DUOX2: variants seen among roughly 807,000 people sequenced by gnomAD.
DUOX2 encodes the protein NADH/NADPH thyroid oxidase p138-tox.
Under a neutral mutation model 183.3 loss-of-function variants are expected in DUOX2, and 185 were observed. The ratio of observed to expected loss-of-function variants is 1.01; its 90% CI spans 0.90 to 1.14. The LOEUF is 1.14. DUOX2 is among the 50% of genes most tolerant of loss of function. DUOX2 has a pLI of 0.00. For synonymous variants in DUOX2, 788 were observed against 812.4 expected (o/e 0.97, Z 0.51); for missense variants, 1,999 against 2,022.9 (o/e 0.99, Z 0.23).
In DUOX2 at chr15:45,101,914, C is replaced by T. The variant is rs1375148685; in HGVS notation, c.2730G>A (p.Glu910=). The T allele has an allele frequency of 6.2e-7, 1 of 1,614,238 alleles. No homozygotes were observed. Among genetic ancestry groups the T allele is most frequent in the Non-Finnish European group, 8.5e-7 (1 of 1,180,046 alleles). ...GCTCCTCCTTGTCCTGGAATCCCGA[C>T]TCCCGGAACATAGACTCCACCACCT... ...LAEVVESMFR[E]SGFQDKEELT... Residue 910 remains glutamate (E), a synonymous_variant, in exon 21 of 34, where the codon GAG becomes GAA. Coordinates refer to ENST00000389039, the MANE Select transcript of DUOX2 (RefSeq NM_001363711.2).
chr15:45,112,516 G>C, intron 4 of DUOX2, 38 bp downstream of exon 4: 1 of 1,605,552 alleles, frequency 6.2e-7, no homozygotes, highest in Non-Finnish European at 8.5e-7. Flanking sequence ...TGAGCAGAGC[G>C]CCAGATCAAC....
intron 20 of DUOX2, among the ~76,000 whole-genome samples, chr15:45,103,328 T>C (rs957558334): frequency 6.6e-6 from 1 of 152,242 alleles, no homozygotes; most frequent in Non-Finnish European, 1.5e-5. Context: ...GCCTGCCCTG[T>C]GCCAATCACA....
chr15:45,094,883 G>A (rs1047555582), intron 32 of DUOX2, 53 bp downstream of exon 32: 24 of 1,610,402 alleles, frequency 1.5e-5, no homozygotes, highest in African/African-American at 1.5e-4. Flanking sequence ...CCTGCCTTAC[G>A]CTGCCAATCC....
intron 4 of DUOX2, among the ~76,000 whole-genome samples, chr15:45,112,225 C>T (rs1894447331): frequency 6.6e-6 from 1 of 152,180 alleles, no homozygotes; most frequent in Non-Finnish European, 1.5e-5. Flanking sequence ...AGTCCTCCTC[C>T]CTCTGGGCTA....
intron 23 of DUOX2, 74 bp from the exon 24 acceptor site, chr15:45,100,302 G>T (rs1254925335): frequency 6.9e-7 from 1 of 1,452,882 alleles, no homozygotes; most frequent in Non-Finnish European, 9.4e-7. Flanking sequence ...TCCATGAAAG[G>T]TGACCTGGGG....
chr15:45,106,379 C>T (rs752422071), intron 16 of DUOX2, 52 bp from the exon 17 acceptor site: 15 of 1,607,248 alleles, frequency 9.3e-6, no homozygotes, highest in Admixed American at 6.7e-5. Context: ...CCCAGGTCCC[C>T]GCCTTCAGGT....
Position 45,110,495 on chromosome 15 carries a change from A to G in DUOX2, c.973T>C (p.Ser325Pro). The G allele has an allele frequency of 6.2e-7, 1 of 1,614,096 alleles. No individual in the cohort carries two copies. ...GYRPFLDPSI[S>P]PEFVVASEQF... ...TCAGAGGCCACCACAAATTCCGGGG[A>G]GATGCTGGGGTCTAGGAAAGGACGG... Residue 325 changes from serine to proline, a missense_variant, in exon 9 of 34, where the codon TCC becomes CCC. Coordinates refer to ENST00000389039, the MANE Select transcript of DUOX2 (RefSeq NM_001363711.2).
Position 45,112,706 on chromosome 15 carries a change from T to G in DUOX2, c.173A>C (p.Gln58Pro), listed in dbSNP as rs759844872. 1.9e-6 allele frequency: 3 copies of G among 1,611,916 alleles called. No homozygotes were observed. Among genetic ancestry groups the G allele is most frequent in the Non-Finnish European group, 1.7e-6 (2 of 1,179,872 alleles). The change falls in exon 4 of 34, where the codon CAG becomes CCG. Residue 58 changes from glutamine to proline, a missense_variant. Coordinates refer to ENST00000389039, the MANE Select transcript of DUOX2 (RefSeq NM_001363711.2). ...GGCGTAATTGGCTGGTACGCGGCGCTGCAACCGGCAGCCTGCGGAGGCAGG... is the reference window on the plus strand; with the variant it reads ...GGCGTAATTGGCTGGTACGCGGCGCGGCAACCGGCAGCCTGCGGAGGCAGG... ...HERGAVGCRL[Q>P]RRVPANYADG...
rs745599300 is a variant in DUOX2 at position 45,095,834 on chromosome 15, G to T, written c.4074C>A (p.Tyr1358Ter). The change falls in exon 30 of 34, where the codon TAC becomes TAA. Residue 1358 changes from tyrosine (Y) to a stop codon, truncating the protein, a stop_gained. Transcript: ENST00000389039. LOFTEE classifies it high-confidence loss of function. ...SSPKGNGCAG[Y>*]PKLYLDGPFG... ...GGTTCCCAGTGACGGGCACCTTTGG[G>T]TATCCAGCACAGCCATTGCCCTTTG... is the stretch of plus-strand genomic sequence containing the variant. The T allele has an allele frequency of 2.5e-6, 4 of 1,613,828 alleles. 1 individual carries two copies. The highest frequency in any genetic ancestry group is 2.2e-5 in the South Asian group (2 of 91,072).
intron 7 of DUOX2, 59 bp downstream of exon 7, chr15:45,111,052 G>C (rs1028990585): frequency 6.0e-6 from 4 of 667,078 alleles, no homozygotes; most frequent in Non-Finnish European, 1.0e-5. Flanking sequence ...ATGGGGCAGC[G>C]GAGTCTCCCG....
rs1317301040 is a variant in DUOX2, at chr15:45,111,474, G to T, written c.625C>A (p.Pro209Thr). 5 of 1,551,478 alleles carry T rather than the reference G, an allele frequency of 3.2e-6. No homozygotes were observed. Among genetic ancestry groups the T allele is most frequent in the Non-Finnish European group, 4.3e-6 (5 of 1,150,754 alleles). ...TTCTGCGAGTCTCGGGGGAAAGCGGGGTCGGGCCCCGACGCCAGCTGTCCC... is the reference window on the plus strand; with the variant it reads ...TTCTGCGAGTCTCGGGGGAAAGCGGTGTCGGGCCCCGACGCCAGCTGTCCC... ...SGGQLASGPDPAFPRDSQNPL... is the reference protein window; with the variant it reads ...SGGQLASGPDTAFPRDSQNPL... The change falls in exon 6 of 34, where the codon CCC (proline) becomes ACC (threonine). Residue 209 changes from proline (P) to threonine (T), a missense_variant. Physicochemically the swap from Pro to Thr is conservative, Grantham distance 38. This residue lies in a region of DUOX2 where 356 missense variants were observed against 356.4 expected (regional missense o/e 1.00). Coordinates refer to ENST00000389039, the MANE Select transcript of DUOX2 (RefSeq NM_001363711.2).
In DUOX2 at chr15:45,107,422, G is replaced by A; in HGVS notation, c.1616C>T (p.Thr539Ile). 6.2e-7 allele frequency: 1 copy of A among 1,614,240 alleles called. No individual in the cohort carries two copies. The highest frequency in any genetic ancestry group is 8.5e-7 in the Non-Finnish European group (1 of 1,180,050). ...AACAGCGACCAGCACGTCCCGCAGG[G>A]TGGTATTTCGGATGTCTTCAATCTC... Reference protein sequence around the residue: ...KKEIEDIRNTTLRDVLVAVIN... With the variant: ...KKEIEDIRNTILRDVLVAVIN... The change falls in exon 14 of 34, where the codon ACC (threonine) becomes ATC (isoleucine). Residue 539 changes from threonine (T) to isoleucine (I), a missense_variant. By Grantham distance (89) the Thr-to-Ile change is moderately conservative. Coordinates refer to ENST00000389039, the MANE Select transcript of DUOX2 (RefSeq NM_001363711.2).
chr15:45,093,960 A>T lies in DUOX2; in HGVS notation c.*190T>A, dbSNP rs1271503024. The T allele has an allele frequency of 2.8e-6, 2 of 720,302 alleles. No homozygotes were observed. Among genetic ancestry groups the T allele is most frequent in the African/African-American group, 3.6e-5 (2 of 56,158 alleles). The allele number at this position is 720,302 out of a possible 1,614,324, so 44.6% of individuals were successfully genotyped here. ...TCATCATGCACTGCAATTGTAGAACATAGTCTCCTGCCTTTTCTCATTTGT... is the reference window on the plus strand; with the variant it reads ...TCATCATGCACTGCAATTGTAGAACTTAGTCTCCTGCCTTTTCTCATTTGT... On this transcript the variant is annotated 3_prime_UTR_variant, in exon 34 of 34. Coordinates refer to ENST00000389039, the MANE Select transcript of DUOX2 (RefSeq NM_001363711.2).
Position 45,109,930 on chromosome 15 carries a change from G to A in DUOX2, c.1091C>T (p.Ser364Phe). The A allele has an allele frequency of 6.2e-7, 1 of 1,614,132 alleles. No homozygotes were observed. The highest frequency in any genetic ancestry group is 8.5e-7 in the Non-Finnish European group (1 of 1,180,034). ...RKVLNKGFQS[S>F]QALRVCNNYW... ...GTTGTTGCAGACCCTGAGAGCTTGGGAGCTTTGAAAACCCTTGTTCAGGAC... is the reference window on the plus strand; with the variant it reads ...GTTGTTGCAGACCCTGAGAGCTTGGAAGCTTTGAAAACCCTTGTTCAGGAC... Residue 364 changes from serine to phenylalanine, a missense_variant, in exon 10 of 34, where the codon TCC (serine) becomes TTC (phenylalanine). Coordinates refer to ENST00000389039, the MANE Select transcript of DUOX2 (RefSeq NM_001363711.2).
intron 4 of DUOX2, 88 bp downstream of exon 4, chr15:45,112,466 C>G (rs1845722010): frequency 6.5e-6 from 10 of 1,546,348 alleles, no homozygotes; most frequent in Non-Finnish European, 8.8e-6. Context: ...GGATGGGTCT[C>G]CTGTGGACTC....
chr15:45,100,949 G>A (rs1423939158), intron 22 of DUOX2, 111 bp from the exon 23 acceptor site: 2 of 750,972 alleles, frequency 2.7e-6, no homozygotes, highest in Non-Finnish European at 4.7e-6. Flanking sequence ...CCAGGCAGGG[G>A]GCAAGGCACA....
chr15:45,101,149 A>G (rs1894070922), intron 22 of DUOX2, 56 bp downstream of exon 22: 1 of 1,526,068 alleles, frequency 6.6e-7, no homozygotes, highest in Non-Finnish European at 9.0e-7. Context: ...TACTCCCTTC[A>G]TTTCTCTGCA....
rs1335278903 is a variant in DUOX2, at chr15:45,112,666, C to T, written c.213G>A (p.Gln71=). The T allele has an allele frequency of 2.5e-6, 4 of 1,612,738 alleles. No homozygotes were observed. The highest frequency in any genetic ancestry group is 2.7e-5 in the African/African-American group (2 of 74,936). ...TGGGCAGCTGCGGCTCCTCCAGAGC[C>T]TGATACACACCGTCGGCGTAATTGG... ...VPANYADGVY[Q]ALEEPQLPNP... Residue 71 remains glutamine, a synonymous_variant, in exon 4 of 34, where the codon CAG becomes CAA. Transcript: ENST00000389039.
Position 45,101,829 on chromosome 15 carries a change from G to A in DUOX2, c.2815C>T (p.Gln939Ter), listed in dbSNP as rs1430759473. 24 of 1,614,072 alleles carry A rather than the reference G, an allele frequency of 1.5e-5. No individual in the cohort carries two copies. Among genetic ancestry groups the A allele is most frequent in the Non-Finnish European group, 2.0e-5 (24 of 1,180,038 alleles). Residue 939 changes from glutamine (Q) to a stop codon, truncating the protein, a stop_gained, in exon 21 of 34, where the codon CAG (glutamine) becomes TAG (stop). Transcript: ENST00000389039. LOFTEE classifies it high-confidence loss of function. ...RDHDSELRFTQLCVKGGGGGG... is the reference protein window; with the variant it reads ...RDHDSELRFT ...CCACCTCCACCTTTGACACAGAGCT[G>A]CGTGAAGCGGAGCTCGCTGTCATGG...
Sources: allele counts gnomAD v4.1 joint callset (sites outside exome capture counted in the v4.1 genomes callset), GRCh38; gene constraint gnomAD v4.1.1; regional missense constraint gnomAD v4.1.1; transcripts MANE v1.5; gene names NCBI Gene and HGNC (gene_info 2026-07-23, HGNC 2026-07-21).